The following TAFA1 variants were observed in gnomAD, a reference collection of about 807,000 sequenced individuals.
The protein encoded by TAFA1 is TAFA chemokine like family member 1.
TAFA1 carries 4 observed loss-of-function variants against 18.5 expected under a neutral mutation model. The observed-to-expected ratio is 0.22, with a 90% CI of 0.11 to 0.49. The LOEUF (loss-of-function observed/expected upper bound fraction) is 0.49, where lower values mean the gene tolerates loss of function less well. Among genes scored for constraint, TAFA1 ranks in the 20% least tolerant of loss-of-function variants. TAFA1 has a pLI of 0.98. For missense variants in TAFA1, 147 were observed against 169.0 expected (o/e 0.87, Z 0.72); for synonymous variants, 56 against 55.2 (o/e 1.01, Z -0.06).
chr3:68,446,762 A>T (rs1317661598), intron 3 of TAFA1, among the ~76,000 whole-genome samples: 1 of 152,204 alleles, frequency 6.6e-6, no homozygotes, highest in Non-Finnish European at 1.5e-5. Flanking sequence ...CCAGTTAATT[A>T]GACACACTCT....
intron 2 of TAFA1, among the ~76,000 whole-genome samples, chr3:68,063,693 C>A (rs1388385674): frequency 3.9e-5 from 6 of 152,088 alleles, no homozygotes; most frequent in African/African-American, 1.4e-4. Context: ...GACCTGCAGA[C>A]CTGCAGTCAG....
chr3:68,334,914 T>C (rs923706), intron 2 of TAFA1, among the ~76,000 whole-genome samples: 87,979 of 151,558 alleles, frequency 0.58, 26,503 homozygotes, highest in East Asian at 1. Flanking sequence ...ACATCACTTA[T>C]ATCACATTTC....
intron 2 of TAFA1, among the ~76,000 whole-genome samples, chr3:68,227,384 T>C (rs564532512): frequency 1.1e-4 from 16 of 152,248 alleles, no homozygotes; most frequent in African/African-American, 3.9e-4. Flanking sequence ...GTTGAGAACA[T>C]TACATGAAAA....
At chr3:68,396,580 C>T (rs868169714) in intron 2 of TAFA1, among the ~76,000 whole-genome samples, 1 of 152,174 alleles carries the variant, frequency 6.6e-6, no homozygotes, top group African/African-American at 2.4e-5. Flanking sequence ...CACTAGTCTA[C>T]TGCAGTAACA....
At chr3:68,172,266 A>G (rs528626430) in intron 2 of TAFA1, among the ~76,000 whole-genome samples, 1 of 152,318 alleles carries the variant, frequency 6.6e-6, no homozygotes, top group African/African-American at 2.4e-5. Context: ...ACTTTTCACC[A>G]GAAATTATGG....
At chr3:68,303,485 G>A (rs908483523) in intron 2 of TAFA1, among the ~76,000 whole-genome samples, 5 of 152,100 alleles carry the variant, frequency 3.3e-5, no homozygotes, top group South Asian at 2.1e-4. Flanking sequence ...CTGTCACCCA[G>A]GCTGGAGTGC....
intron 2 of TAFA1, among the ~76,000 whole-genome samples, chr3:68,071,827 G>C (rs566056061): frequency 1.3e-5 from 2 of 152,060 alleles, no homozygotes; most frequent in African/African-American, 2.4e-5. Flanking sequence ...GCGAGGAAGA[G>C]GCACATCATA....
intron 2 of TAFA1, among the ~76,000 whole-genome samples, chr3:68,242,851 G>A (rs1465576384): frequency 6.6e-6 from 1 of 151,942 alleles, no homozygotes; most frequent in Non-Finnish European, 1.5e-5. Flanking sequence ...AAAGTGTGAT[G>A]AAATAAACTA....
At chr3:68,296,076 T>C (rs1353249962) in intron 2 of TAFA1, among the ~76,000 whole-genome samples, 1 of 152,204 alleles carries the variant, frequency 6.6e-6, no homozygotes, top group Non-Finnish European at 1.5e-5. Flanking sequence ...TTATTATACA[T>C]GAGAATTAAT....
intron 3 of TAFA1, among the ~76,000 whole-genome samples, chr3:68,463,467 A>G (rs1239283113): frequency 1.3e-5 from 2 of 152,116 alleles, no homozygotes; most frequent in Non-Finnish European, 2.9e-5. Context: ...TGACAAGCAT[A>G]TTGGAATTAT....
At chr3:68,289,095 G>A (rs886144477) in intron 2 of TAFA1, among the ~76,000 whole-genome samples, 2 of 152,128 alleles carry the variant, frequency 1.3e-5, no homozygotes, top group Admixed American at 1.3e-4. Context: ...CCACTGCCTG[G>A]TGAAGAAATA....
At chr3:68,516,065 C>T (rs933787972) in intron 3 of TAFA1, among the ~76,000 whole-genome samples, 3 of 152,190 alleles carry the variant, frequency 2.0e-5, no homozygotes, top group Non-Finnish European at 4.4e-5. Context: ...TGAGAGAGTA[C>T]CTCTATGCAT....
the TAFA1 span, among the ~76,000 whole-genome samples, chr3:67,991,736 G>T: frequency 1.3e-5 from 2 of 152,252 alleles, no homozygotes; most frequent in Middle Eastern, 6.8e-3. Flanking sequence ...ATTGAGCCAC[G>T]CTACTGGCAT....
At chr3:68,120,319 A>G (rs962076376) in intron 2 of TAFA1, among the ~76,000 whole-genome samples, 1 of 150,586 alleles carries the variant, frequency 6.6e-6, no homozygotes, top group African/African-American at 2.4e-5. Context: ...GTGCAATCTC[A>G]GTTCACTACA....
At chr3:68,073,499 TAAG>T (rs2064782773) in intron 2 of TAFA1, among the ~76,000 whole-genome samples, 1 of 152,186 alleles carries the variant, frequency 6.6e-6, no homozygotes, top group Non-Finnish European at 1.5e-5. Context: ...AACATAAACA[TAAG>T]AATAAATATA....
intron 2 of TAFA1, among the ~76,000 whole-genome samples, chr3:68,305,724 A>G (rs1464783524): frequency 6.6e-6 from 1 of 151,758 alleles, no homozygotes; most frequent in Non-Finnish European, 1.5e-5. Flanking sequence ...TCACCAAGGG[A>G]AGAGGATATG....
intron 2 of TAFA1, among the ~76,000 whole-genome samples, chr3:68,193,231 T>G (rs2066370521): frequency 1.3e-5 from 2 of 151,818 alleles, no homozygotes; most frequent in Non-Finnish European, 2.9e-5. Context: ...ATTTAGGGAA[T>G]GGAATCTAGT....
chr3:68,027,755 A>C (rs576032231), intron 2 of TAFA1, among the ~76,000 whole-genome samples: 1 of 152,304 alleles, frequency 6.6e-6, no homozygotes, highest in South Asian at 2.1e-4. Flanking sequence ...GAAACTTTGA[A>C]AATGTCATTT....
chr3:68,266,098 A>G (rs2067540002), intron 2 of TAFA1, among the ~76,000 whole-genome samples: 2 of 152,118 alleles, frequency 1.3e-5, no homozygotes. Context: ...CATAGGCAAA[A>G]GAAAGCACCC....
Sources: allele counts gnomAD v4.1 joint callset (sites outside exome capture counted in the v4.1 genomes callset), GRCh38; gene constraint gnomAD v4.1.1; transcripts MANE v1.5; gene names NCBI Gene and HGNC (gene_info 2026-07-23, HGNC 2026-07-21).